The following IP6K2 variants were observed in gnomAD, a reference collection of about 807,000 sequenced individuals.
IP6K2 encodes ATP:1D-myo-inositol-hexakisphosphate phosphotransferase.
A neutral mutation model predicts 43.3 loss-of-function variants in IP6K2; 9 were observed. The ratio of observed to expected loss-of-function variants is 0.21; its 90% CI spans 0.13 to 0.36. The LOEUF is 0.36. IP6K2 is among the 10% of genes least tolerant of loss of function. IP6K2 has a pLI of 1.00. For synonymous variants in IP6K2, 209 were observed against 202.4 expected (o/e 1.03, Z -0.28); for missense variants, 332 against 538.4 (o/e 0.62, Z 3.79).
Position 48,707,409 on chromosome 3 carries a change from A to G in IP6K2, c.-131+9748T>C, listed in dbSNP as rs1207312712. Reference sequence around the variant, plus strand: ...GATGTATACAAGGTGCTAGAAGGTCAGAGCCCTCAATAGCATCTCATTCTG... The same window carrying G: ...GATGTATACAAGGTGCTAGAAGGTCGGAGCCCTCAATAGCATCTCATTCTG... On this transcript the variant is annotated intron_variant, in intron 1 of 5. Transcript: ENST00000328631. Among the ~76,000 whole-genome samples the G allele has an allele frequency of 3.3e-5, 5 of 152,182 alleles. No homozygotes were observed. In the East Asian group the frequency reaches 7.7e-4, roughly 23 times the overall value.
At chr3:48,714,695 C>A (rs1051067900) in intron 1 of IP6K2, among the ~76,000 whole-genome samples, 1 of 152,082 alleles carries the variant, frequency 6.6e-6, no homozygotes, top group African/African-American at 2.4e-5. Flanking sequence ...CTGGCCCTGG[C>A]CCTTTCTTTC....
intron 3 of IP6K2, 30 bp from the exon 4 acceptor site, chr3:48,691,512 T>C (rs1160665016): frequency 6.5e-7 from 1 of 1,549,364 alleles, no homozygotes; most frequent in South Asian, 1.2e-5. Flanking sequence ...AATAAATCAG[T>C]ATGTCTTATC....
chr3:48,713,543 C>G (rs138126625), intron 1 of IP6K2, among the ~76,000 whole-genome samples: 1 of 152,328 alleles, frequency 6.6e-6, no homozygotes, highest in Middle Eastern at 3.4e-3. Flanking sequence ...TTCTTGGTAA[C>G]TAACATGTTT....
intron 1 of IP6K2, among the ~76,000 whole-genome samples, chr3:48,714,805 A>C (rs2081002255): frequency 7.4e-6 from 1 of 135,678 alleles, no homozygotes; most frequent in African/African-American, 2.8e-5. Flanking sequence ...CCGAGATCGC[A>C]CCACTGCACT....
rs1373603064 is a variant in IP6K2 at position 48,689,729 on chromosome 3, T to C, written c.605-16A>G. 6.2e-7 allele frequency: 1 copy of C among 1,610,630 alleles called. No individual in the cohort carries two copies. The highest frequency in any genetic ancestry group is 8.5e-7 in the Non-Finnish European group (1 of 1,177,116). On this transcript the variant is annotated splice_polypyrimidine_tract_variant and intron_variant, in intron 4 of 5. Transcript: ENST00000328631. ...AAGATAAATTCTGAGTAGTTAAGAA[T>C]AATACCCCCAAAAGGAAGTGCTACT...
Position 48,695,443 on chromosome 3 carries a change from A to C in IP6K2, c.-130-22T>G. ...TCTGCTGGAAGCAAACAAAATGATG[A>C]CATGGGGGTTCGAAGTAGCGTGGGA... On this transcript the variant is annotated intron_variant, in intron 1 of 5. Transcript: ENST00000328631. This position sits in a 1 kb window ranked among gnomAD's most constrained non-coding sequence, Gnocchi z 4.6. 1 of 1,408,004 alleles carries C rather than the reference A, an allele frequency of 7.1e-7. No individual in the cohort carries two copies. 87.2% of individuals were successfully genotyped at this position (1,408,004 alleles called of 1,614,324 possible). A position where few individuals can be genotyped will look rare whatever the true frequency, so the allele number is the denominator to read the frequency against.
chr3:48,700,172 G>T (rs1032349785), intron 1 of IP6K2, among the ~76,000 whole-genome samples: 11 of 152,176 alleles, frequency 7.2e-5, no homozygotes, highest in Admixed American at 7.2e-4. Flanking sequence ...GAGTTGCAAA[G>T]AAGTGGCACT....
chr3:48,703,764 G>A (rs1365675384), intron 1 of IP6K2, among the ~76,000 whole-genome samples: 1 of 151,406 alleles, frequency 6.6e-6, no homozygotes, highest in Non-Finnish European at 1.5e-5. Context: ...TAACCATGGA[G>A]ATGAGGAAAT....
intron 1 of IP6K2, among the ~76,000 whole-genome samples, chr3:48,713,854 C>T (rs1442226711): frequency 8.0e-5 from 12 of 150,678 alleles, no homozygotes; most frequent in Admixed American, 5.3e-4. Flanking sequence ...CAGTGGCTCA[C>T]GCCTGTAATC....
At chr3:48,694,549 A>T in intron 2 of IP6K2, 1 of 1,521,398 alleles carries the variant, frequency 6.6e-7, no homozygotes, top group South Asian at 1.3e-5. Context: ...TATAAAAAGA[A>T]ATAAAAAATT....
At chr3:48,691,544 G>C in intron 3 of IP6K2, 62 bp from the exon 4 acceptor site, 1 of 1,282,864 alleles carries the variant, frequency 7.8e-7, no homozygotes, top group Non-Finnish European at 1.1e-6. Context: ...GGCCGGGCAT[G>C]GTGGCTCATG....
chr3:48,706,422 C>G (rs1341629602), intron 1 of IP6K2, among the ~76,000 whole-genome samples: 1 of 152,084 alleles, frequency 6.6e-6, no homozygotes, highest in Non-Finnish European at 1.5e-5. Flanking sequence ...TGAGCTTCAG[C>G]CTGCATGACT....
chr3:48,709,928 A>AT (rs1265093648), intron 1 of IP6K2, among the ~76,000 whole-genome samples: 1 of 152,190 alleles, frequency 6.6e-6, no homozygotes, highest in Non-Finnish European at 1.5e-5. Flanking sequence ...TATGCTTCAG[A>AT]AGTCCTGAGT....
chr3:48,693,269 C>G (rs780657400), intron 2 of IP6K2, 90 bp from the exon 3 acceptor site: 2 of 1,268,514 alleles, frequency 1.6e-6, no homozygotes, highest in African/African-American at 2.9e-5. Context: ...TTTTTTCTTA[C>G]CCAGTTCCTT....
At chr3:48,692,896 A>G (rs2077925521) in intron 3 of IP6K2, 58 bp downstream of exon 3, 1 of 1,342,332 alleles carries the variant, frequency 7.4e-7, no homozygotes. Flanking sequence ...GGCTGTAACC[A>G]AAACCCCCAA....
intron 1 of IP6K2, chr3:48,699,524 C>T (rs1383605993): frequency 6.6e-6 from 1 of 152,228 alleles, no homozygotes; most frequent in East Asian, 1.9e-4. Context: ...CACCTTATCA[C>T]CCTTCCTCTT....
At chr3:48,690,206 GCA>G (rs1390613430) in intron 4 of IP6K2, among the ~76,000 whole-genome samples, 1 of 152,204 alleles carries the variant, frequency 6.6e-6, no homozygotes, top group Non-Finnish European at 1.5e-5. Flanking sequence ...TGTCTCTGGT[GCA>G]CAGACCATTG....
chr3:48,693,658 T>C, intron 2 of IP6K2: 1 of 1,095,000 alleles, frequency 9.1e-7, no homozygotes, highest in African/African-American at 1.7e-5. Context: ...AAGGGAAGAC[T>C]GGGTAAGCAA....
At position 48,691,365 on chromosome 3, in the gene IP6K2, T is replaced by C; in HGVS notation, c.546A>G (p.Lys182=). 1.2e-6 allele frequency: 2 copies of C among 1,614,034 alleles called. No individual in the cohort carries two copies. Among genetic ancestry groups the C allele is most frequent in the Non-Finnish European group, 1.7e-6 (2 of 1,179,860 alleles). Residue 182 remains lysine, a synonymous_variant, in exon 4 of 6, where the codon AAA becomes AAG. Coordinates refer to ENST00000328631, the MANE Select transcript of IP6K2 (RefSeq NM_016291.4). ...QLKHYNPWSM[K]CHQQQLQRMK... ...TTCTCTGTAACTGTTGCTGGTGACA[T>C]TTCATGCTCCAAGGGTTATAGTGTT... is the stretch of plus-strand genomic sequence containing the variant.
Sources: gnomAD v4.1 joint callset for allele counts (sites outside exome capture counted in the v4.1 genomes callset) on GRCh38, gnomAD v4.1.1 for gene constraint, Gnocchi (gnomAD v3.1) non-coding constraint, MANE v1.5 for transcripts, NCBI Gene and HGNC (gene_info 2026-07-23, HGNC 2026-07-21) for gene names.